The following DOCK1 variants were observed in gnomAD, a reference collection of about 807,000 sequenced individuals.
DOCK1 encodes dedicator of cytokinesis protein 1.
Under a neutral mutation model 262.7 loss-of-function variants are expected in DOCK1, and 138 were observed. The ratio of observed to expected loss-of-function variants is 0.53; its 90% CI spans 0.46 to 0.61. DOCK1 has a LOEUF of 0.61. DOCK1 is among the 20% of genes least tolerant of loss of function. The pLI is 0.00. For missense variants in DOCK1, 1,908 were observed against 2,370.7 expected (o/e 0.80, Z 4.05); for synonymous variants, 866 against 867.4 (o/e 1.00, Z 0.03).
intron 1 of DOCK1, among the ~76,000 whole-genome samples, chr10:126,956,192 C>A (rs1353834957): frequency 6.6e-6 from 1 of 152,222 alleles, no homozygotes; most frequent in East Asian, 1.9e-4. Flanking sequence ...GCCGCCTGTG[C>A]CTCAGAAGAG....
intron 27 of DOCK1, among the ~76,000 whole-genome samples, chr10:127,217,990 G>T: frequency 6.6e-6 from 1 of 151,654 alleles, no homozygotes; most frequent in Non-Finnish European, 1.5e-5. Context: ...CAGCCTTGTT[G>T]AGGATCAGAT....
At chr10:127,115,579 A>T (rs1312256057) in intron 25 of DOCK1, among the ~76,000 whole-genome samples, 2 of 152,270 alleles carry the variant, frequency 1.3e-5, no homozygotes, top group Non-Finnish European at 2.9e-5. Flanking sequence ...TGTGAAAATT[A>T]AAGCTTAAAT....
chr10:127,431,791 A>C (rs1227137851), intron 47 of DOCK1, among the ~76,000 whole-genome samples: 1 of 152,156 alleles, frequency 6.6e-6, no homozygotes, highest in African/African-American at 2.4e-5. Flanking sequence ...GCTAGTTTCC[A>C]CAGAGACCAT....
chr10:127,027,861 T>G (rs935586048), intron 16 of DOCK1, among the ~76,000 whole-genome samples: 2 of 151,938 alleles, frequency 1.3e-5, no homozygotes, highest in Non-Finnish European at 2.9e-5. Flanking sequence ...CATGATGTTA[T>G]GGTGTGCAGA....
At chr10:126,955,188 C>A (rs2036633884) in intron 1 of DOCK1, among the ~76,000 whole-genome samples, 1 of 152,156 alleles carries the variant, frequency 6.6e-6, no homozygotes, top group African/African-American at 2.4e-5. Context: ...GTCAGTGGTG[C>A]ATTCTCAGCT....
At chr10:126,946,578 C>T (rs1322590553) in intron 1 of DOCK1, among the ~76,000 whole-genome samples, 16 of 152,080 alleles carry the variant, frequency 1.1e-4, no homozygotes, top group African/African-American at 3.9e-4. Flanking sequence ...CATTCCCTGT[C>T]CCCTCAGCCT....
chr10:127,350,315 C>T (rs34377883), intron 31 of DOCK1, among the ~76,000 whole-genome samples: 1 of 151,354 alleles, frequency 6.6e-6, no homozygotes, highest in Non-Finnish European at 1.5e-5. Flanking sequence ...CACCCCTCAC[C>T]CCCTGGTCTC....
intron 1 of DOCK1, among the ~76,000 whole-genome samples, chr10:126,915,635 G>A (rs570502048): frequency 2.0e-4 from 30 of 152,250 alleles, no homozygotes; most frequent in African/African-American, 7.0e-4. Flanking sequence ...ACACGGGTTA[G>A]TAACACGGGG....
intron 29 of DOCK1, among the ~76,000 whole-genome samples, chr10:127,260,148 G>A (rs985948820): frequency 6.6e-6 from 1 of 152,216 alleles, no homozygotes; most frequent in Non-Finnish European, 1.5e-5. Flanking sequence ...CCTTCACAGG[G>A]TATGGCGCCT....
At chr10:127,097,802 C>G (rs918515196) in intron 23 of DOCK1, among the ~76,000 whole-genome samples, 1 of 152,172 alleles carries the variant, frequency 6.6e-6, no homozygotes, top group Admixed American at 6.5e-5. Flanking sequence ...AATGAACAGG[C>G]GAAGAGTAAA....
At chr10:126,930,810 C>G (rs958504361) in intron 1 of DOCK1, among the ~76,000 whole-genome samples, 1 of 152,196 alleles carries the variant, frequency 6.6e-6, no homozygotes, top group Non-Finnish European at 1.5e-5. Flanking sequence ...CACAAGGACT[C>G]GGGGCCCAGT....
intron 27 of DOCK1, among the ~76,000 whole-genome samples, chr10:127,185,548 A>G (rs2056153363): frequency 6.6e-6 from 1 of 152,164 alleles, no homozygotes; most frequent in African/African-American, 2.4e-5. Context: ...CTGGGACCTT[A>G]GCTGAGATAC....
At chr10:127,078,133 ATTTT>A (rs987856982) in intron 23 of DOCK1, among the ~76,000 whole-genome samples, 74 of 152,128 alleles carry the variant, frequency 4.9e-4, no homozygotes, top group African/African-American at 1.8e-3. Flanking sequence ...TTATTTATTT[ATTTT>A]ATTTATGTTT....
At chr10:127,340,477 A>G (rs2063382279) in intron 30 of DOCK1, among the ~76,000 whole-genome samples, 1 of 152,080 alleles carries the variant, frequency 6.6e-6, no homozygotes, top group African/African-American at 2.4e-5. Flanking sequence ...GAATGTACCA[A>G]CATTTATTCA....
At chr10:127,395,455 T>G (rs2066766781) in intron 38 of DOCK1, among the ~76,000 whole-genome samples, 2 of 152,114 alleles carry the variant, frequency 1.3e-5, no homozygotes, top group Admixed American at 1.3e-4. Context: ...TGCCAACACC[T>G]TGAAGGTGAG....
rs184055310 is a variant in DOCK1, at chr10:126,913,110, A to G, written c.46+7547A>G. On this transcript the variant is annotated intron_variant, in intron 1 of 51. Transcript: ENST00000623213. ...CAGATCTGGAAATTCCTTGTAATCA[A>G]ATTAGTGACAGAACAATGCAATCAG... is the stretch of plus-strand genomic sequence containing the variant. 5.3e-5 allele frequency among the ~76,000 whole-genome samples: 8 copies of G among 152,206 alleles called. No homozygotes were observed. The East Asian group carries it at 1.5e-3, about 29-fold the overall frequency.
intron 23 of DOCK1, among the ~76,000 whole-genome samples, chr10:127,095,370 C>T (rs2047845087): frequency 6.6e-6 from 1 of 152,200 alleles, no homozygotes; most frequent in Admixed American, 6.5e-5. Flanking sequence ...ACCACATTTT[C>T]TTCTGTTCTC....
intron 27 of DOCK1, among the ~76,000 whole-genome samples, chr10:127,147,505 A>G (rs2247259): frequency 0.98 from 148,446 of 152,102 alleles, 72,515 homozygotes; most frequent in East Asian, 1. Context: ...CTCACCTTCC[A>G]TACAGAGGGC....
At chr10:127,132,851 C>T (rs1055073491) in intron 27 of DOCK1, among the ~76,000 whole-genome samples, 1 of 152,144 alleles carries the variant, frequency 6.6e-6, no homozygotes, top group African/African-American at 2.4e-5. Flanking sequence ...GGCCTGGATA[C>T]ACACGAGGGG....
Sources: allele counts gnomAD v4.1 joint callset (sites outside exome capture counted in the v4.1 genomes callset), GRCh38; gene constraint gnomAD v4.1.1; transcripts MANE v1.5; gene names NCBI Gene and HGNC (gene_info 2026-07-23, HGNC 2026-07-21).